Variants in METAP1 observed in about 807,000 individuals in gnomAD.
METAP1 encodes methionine aminopeptidase 1.
Under a neutral mutation model 53.8 loss-of-function variants are expected in METAP1, and 28 were observed. The ratio of observed to expected loss-of-function variants is 0.52; its 90% CI spans 0.39 to 0.71. The LOEUF (loss-of-function observed/expected upper bound fraction) is 0.71. Ranked by LOEUF, METAP1 falls within the 30% of genes least tolerant of loss-of-function variation. The pLI, the probability that METAP1 is intolerant of heterozygous loss-of-function variation, is 0.00. For missense variants in METAP1, 389 were observed against 479.8 expected (o/e 0.81, Z 1.77); for synonymous variants, 181 against 165.7 (o/e 1.09, Z -0.71).
At chr4:99,024,332 C>T (rs756825567) in intron 1 of METAP1, among the ~76,000 whole-genome samples, 3 of 152,096 alleles carry the variant, frequency 2.0e-5, no homozygotes, top group Non-Finnish European at 2.9e-5. Flanking sequence ...GGAGTCTTGC[C>T]GATGTTCCTG....
intron 1 of METAP1, chr4:99,026,375 A>T: frequency 3.0e-6 from 3 of 985,456 alleles, no homozygotes; most frequent in Non-Finnish European, 3.6e-6. Context: ...AGTACATGTG[A>T]CATGTTAAGC....
chr4:98,997,564 A>G (rs1227852599), intron 1 of METAP1: 1 of 154,420 alleles, frequency 6.5e-6, no homozygotes, highest in Non-Finnish European at 1.5e-5. Context: ...GAATAACTTT[A>G]AAAGTAGGTG....
chr4:99,034,886 G>T (rs1725318754), intron 3 of METAP1, among the ~76,000 whole-genome samples: 1 of 152,120 alleles, frequency 6.6e-6, no homozygotes. Flanking sequence ...TGGCAGATAG[G>T]ACTTGGAGTC....
At chr4:99,023,814 A>T (rs758750320) in intron 1 of METAP1, 10 of 975,336 alleles carry the variant, frequency 1.0e-5, no homozygotes, top group Non-Finnish European at 1.2e-5. Flanking sequence ...CAATGGGTTC[A>T]TCTTGCTTGC....
At chr4:99,046,951 A>AG (rs1475464045) in intron 8 of METAP1, among the ~76,000 whole-genome samples, 22 of 148,462 alleles carry the variant, frequency 1.5e-4, no homozygotes, top group African/African-American at 5.4e-4. Context: ...AAAAAAAAAA[A>AG]AAAAAAAGAA....
intron 1 of METAP1, among the ~76,000 whole-genome samples, chr4:99,015,005 G>C (rs1412283518): frequency 6.6e-6 from 1 of 152,184 alleles, no homozygotes; most frequent in Non-Finnish European, 1.5e-5. Context: ...AGAGAGCTTG[G>C]CAAGATTCAT....
chr4:99,046,526 T>C (rs938704012), intron 8 of METAP1, among the ~76,000 whole-genome samples: 2 of 152,210 alleles, frequency 1.3e-5, no homozygotes, highest in Non-Finnish European at 2.9e-5. Context: ...TTATTACCAG[T>C]GTGCTACCTG....
chr4:99,020,412 T>A (rs1478811245), intron 1 of METAP1, among the ~76,000 whole-genome samples: 3 of 152,086 alleles, frequency 2.0e-5, no homozygotes, highest in Non-Finnish European at 4.4e-5. Context: ...ATTTTGAATA[T>A]CCCTTCTACA....
intron 4 of METAP1, chr4:99,038,035 C>CT (rs1725558954): frequency 6.6e-6 from 1 of 151,700 alleles, no homozygotes; most frequent in African/African-American, 2.4e-5. Context: ...AAATTTATTC[C>CT]TGGGTACTTC....
chr4:99,016,799 G>A (rs1723792514), intron 1 of METAP1, among the ~76,000 whole-genome samples: 1 of 152,184 alleles, frequency 6.6e-6, no homozygotes, highest in African/African-American at 2.4e-5. Context: ...TGGCCAGGGT[G>A]TAGATCCCAG....
At chr4:99,042,271 A>ATT (rs764024610) in intron 6 of METAP1, among the ~76,000 whole-genome samples, 2 of 145,796 alleles carry the variant, frequency 1.4e-5, no homozygotes, top group African/African-American at 2.5e-5. Context: ...TGGTTGTAAG[A>ATT]TTTTTTTTTT....
At position 99,045,176 on chromosome 4, in the gene METAP1, C is replaced by G; in HGVS notation, c.656-3C>G. 6.2e-7 allele frequency: 1 copy of G among 1,612,342 alleles called. No homozygotes were observed. Among genetic ancestry groups the G allele is most frequent in the Non-Finnish European group, 8.5e-7 (1 of 1,178,904 alleles). On this transcript the variant is annotated splice_region_variant and splice_polypyrimidine_tract_variant and intron_variant, in intron 7 of 10. Transcript: ENST00000296411. Reference sequence around the variant, plus strand: ...GTCTTTATATTTGCACATTCTCTTGCAGTGGATATCACTCTTTATCGCAAT... The same window carrying G: ...GTCTTTATATTTGCACATTCTCTTGGAGTGGATATCACTCTTTATCGCAAT...
intron 9 of METAP1, among the ~76,000 whole-genome samples, chr4:99,052,543 C>G (rs1330710468): frequency 6.6e-6 from 1 of 152,106 alleles, no homozygotes; most frequent in Non-Finnish European, 1.5e-5. Flanking sequence ...GGAGGAGAAA[C>G]AACCAGATCT....
At chr4:99,027,922 G>A (rs1315875320) in intron 1 of METAP1, among the ~76,000 whole-genome samples, 1 of 151,202 alleles carries the variant, frequency 6.6e-6, no homozygotes, top group African/African-American at 2.4e-5. Context: ...GGCAGCTTTA[G>A]TGTAATATGA....
At chr4:99,054,170 T>G (rs1208100954) in intron 9 of METAP1, among the ~76,000 whole-genome samples, 1 of 152,174 alleles carries the variant, frequency 6.6e-6, no homozygotes, top group African/African-American at 2.4e-5. Context: ...TTTTCTTCCA[T>G]TAGAAGGCTG....
At chr4:99,056,225 C>T (rs1236583018) in intron 9 of METAP1, among the ~76,000 whole-genome samples, 2 of 152,158 alleles carry the variant, frequency 1.3e-5, no homozygotes, top group African/African-American at 4.8e-5. Flanking sequence ...ATGTATTAGC[C>T]ATCTGGTGGT....
At chr4:99,022,154 A>C in intron 1 of METAP1, 1 of 320,992 alleles carries the variant, frequency 3.1e-6, no homozygotes, top group Non-Finnish European at 5.6e-6. Flanking sequence ...AGATGGGGGA[A>C]TAGTGGAAGC....
chr4:99,055,718 A>C (rs1727062115), intron 9 of METAP1, among the ~76,000 whole-genome samples: 1 of 152,198 alleles, frequency 6.6e-6, no homozygotes, highest in Non-Finnish European at 1.5e-5. Flanking sequence ...TCACTTTTCA[A>C]GTACTTTCTA....
chr4:99,006,217 A>G (rs1237273971), intron 1 of METAP1, among the ~76,000 whole-genome samples: 1 of 152,212 alleles, frequency 6.6e-6, no homozygotes, highest in African/African-American at 2.4e-5. Context: ...GGCTTATGCT[A>G]TTCTTGTATA....
Sources: gnomAD v4.1 joint callset for allele counts (sites outside exome capture counted in the v4.1 genomes callset) on GRCh38, gnomAD v4.1.1 for gene constraint, MANE v1.5 for transcripts, NCBI Gene and HGNC (gene_info 2026-07-23, HGNC 2026-07-21) for gene names.